GRM7: variants seen among roughly 807,000 people sequenced by gnomAD.
GRM7 encodes metabotropic glutamate receptor 7.
Under a neutral mutation model 84.5 loss-of-function variants are expected in GRM7, and 35 were observed. That is an observed-to-expected ratio of 0.41 (90% CI 0.32 to 0.55). GRM7 has a LOEUF of 0.55. GRM7 is among the 20% of genes least tolerant of loss of function. The pLI is 0.19. For missense variants in GRM7, 1,003 were observed against 1,194.6 expected (o/e 0.84, Z 2.36); for synonymous variants, 487 against 455.1 (o/e 1.07, Z -0.89).
intron 1 of GRM7, among the ~76,000 whole-genome samples, chr3:6,921,274 G>T (rs928060515): frequency 6.6e-6 from 1 of 152,158 alleles, no homozygotes; most frequent in South Asian, 2.1e-4. Context: ...AGGAGAGATG[G>T]GGGTAGGTGA....
At chr3:7,571,638 C>T (rs1421179528) in intron 7 of GRM7, among the ~76,000 whole-genome samples, 1 of 152,196 alleles carries the variant, frequency 6.6e-6, no homozygotes, top group Admixed American at 6.5e-5. Context: ...CCCACATTTT[C>T]CTGTCTTCTT....
intron 2 of GRM7, among the ~76,000 whole-genome samples, chr3:7,260,307 A>C (rs1253432275): frequency 1.3e-5 from 2 of 151,654 alleles, no homozygotes; most frequent in African/African-American, 4.8e-5. Flanking sequence ...CAATTTGTCC[A>C]TTTTTGCTTC....
chr3:7,184,418 G>T (rs1021346108), intron 2 of GRM7, among the ~76,000 whole-genome samples: 4 of 151,746 alleles, frequency 2.6e-5, no homozygotes, highest in Non-Finnish European at 5.9e-5. Flanking sequence ...TGTTAAAATT[G>T]TTCCATATAT....
chr3:7,174,806 T>C (rs61397441), intron 2 of GRM7, among the ~76,000 whole-genome samples: 2,473 of 152,330 alleles, frequency 0.016, 70 homozygotes, highest in African/African-American at 0.057. Context: ...CTTGGCTGGG[T>C]AGCTGCCTTC....
chr3:7,155,715 A>T (rs1694426766), intron 2 of GRM7, among the ~76,000 whole-genome samples: 1 of 152,100 alleles, frequency 6.6e-6, no homozygotes, highest in African/African-American at 2.4e-5. Flanking sequence ...TAAATCTCTC[A>T]AGAGATTATA....
intron 8 of GRM7, among the ~76,000 whole-genome samples, chr3:7,679,237 T>A (rs569643600): frequency 5.3e-5 from 8 of 152,240 alleles, no homozygotes; most frequent in East Asian, 1.9e-4. Flanking sequence ...TGTGATTGAA[T>A]GAGTACAGTT....
At chr3:6,867,123 C>T (rs753515624) in intron 1 of GRM7, among the ~76,000 whole-genome samples, 9 of 152,086 alleles carry the variant, frequency 5.9e-5, no homozygotes, top group South Asian at 2.1e-4. Flanking sequence ...GTTTCTAGGA[C>T]GTGTTATTTT....
intron 8 of GRM7, among the ~76,000 whole-genome samples, chr3:7,595,306 G>T (rs1030840234): frequency 6.6e-6 from 1 of 152,294 alleles, no homozygotes; most frequent in Non-Finnish European, 1.5e-5. Context: ...GTCATGAAAG[G>T]CTTCAGTGAG....
chr3:7,515,397 C>T (rs1700340886), intron 7 of GRM7, among the ~76,000 whole-genome samples: 1 of 152,134 alleles, frequency 6.6e-6, no homozygotes, highest in South Asian at 2.1e-4. Flanking sequence ...ACCAGGAGCA[C>T]TGCCCCGAGC....
intron 7 of GRM7, among the ~76,000 whole-genome samples, chr3:7,487,130 G>A (rs147098024): frequency 1.2e-4 from 18 of 152,272 alleles, no homozygotes; most frequent in Admixed American, 2.0e-4. Flanking sequence ...AAGGCAGAAC[G>A]TAAGAGTGAT....
chr3:7,530,319 G>A (rs745987884), intron 7 of GRM7, among the ~76,000 whole-genome samples: 44 of 151,886 alleles, frequency 2.9e-4, no homozygotes, highest in East Asian at 1.9e-4. Context: ...TATATGTGCC[G>A]CATTTTCTTT....
chr3:7,217,753 A>G (rs1376236535), intron 2 of GRM7, among the ~76,000 whole-genome samples: 1 of 150,404 alleles, frequency 6.6e-6, no homozygotes, highest in African/African-American at 2.4e-5. Flanking sequence ...AAAACATTTT[A>G]AAATTCTTAC....
chr3:6,987,377 A>G (rs1167163337), intron 1 of GRM7, among the ~76,000 whole-genome samples: 7 of 151,576 alleles, frequency 4.6e-5, no homozygotes. Context: ...AGACAGATTT[A>G]GAAATTATTG....
chr3:7,455,922 A>G (rs1050838583), intron 6 of GRM7, among the ~76,000 whole-genome samples: 13 of 151,610 alleles, frequency 8.6e-5, no homozygotes, highest in East Asian at 3.9e-4. Flanking sequence ...CATTGTATCA[A>G]TCTTCAGGAG....
intron 1 of GRM7, among the ~76,000 whole-genome samples, chr3:6,904,997 G>A (rs1696517911): frequency 6.6e-6 from 1 of 152,220 alleles, no homozygotes; most frequent in African/African-American, 2.4e-5. Context: ...GGGATTAGAG[G>A]CACAAGCTAT....
intron 1 of GRM7, among the ~76,000 whole-genome samples, chr3:7,132,975 T>A (rs2125055058): frequency 6.6e-6 from 1 of 152,276 alleles, no homozygotes; most frequent in East Asian, 1.9e-4. Context: ...TAGAACATAC[T>A]TATACAAGTG....
At chr3:7,614,457 C>T (rs936382948) in intron 8 of GRM7, among the ~76,000 whole-genome samples, 7 of 152,096 alleles carry the variant, frequency 4.6e-5, no homozygotes, top group Non-Finnish European at 7.4e-5. Context: ...AATGGATTTA[C>T]AGGAAATGGC....
chr3:7,246,803 C>G (rs1324681270), intron 2 of GRM7, among the ~76,000 whole-genome samples: 1 of 152,030 alleles, frequency 6.6e-6, no homozygotes, highest in Non-Finnish European at 1.5e-5. Context: ...GATTATAAGG[C>G]TGATTCTGAA....
chr3:7,078,567 C>T (rs542058718), intron 1 of GRM7, among the ~76,000 whole-genome samples: 2 of 152,214 alleles, frequency 1.3e-5, no homozygotes, highest in African/African-American at 2.4e-5. Flanking sequence ...TCAGAAAACT[C>T]AGAATTAAGT....
Sources: gnomAD v4.1 joint callset for allele counts (sites outside exome capture counted in the v4.1 genomes callset) on GRCh38, gnomAD v4.1.1 for gene constraint, MANE v1.5 for transcripts, NCBI Gene and HGNC (gene_info 2026-07-23, HGNC 2026-07-21) for gene names.